PKD1L1: variants seen among roughly 807,000 people sequenced by gnomAD.
The protein encoded by PKD1L1 is polycystin 1 like 1, transient receptor potential channel interacting.
A neutral mutation model predicts 323.4 loss-of-function variants in PKD1L1; 236 were observed. The ratio of observed to expected loss-of-function variants is 0.73; its 90% CI spans 0.66 to 0.81. PKD1L1 has a LOEUF of 0.81. Among genes scored for constraint, PKD1L1 ranks in the 40% least tolerant of loss-of-function variants. The probability of loss-of-function intolerance (pLI) is 0.00; values close to 1 mark genes in which losing one functional copy is unlikely to be tolerated. For synonymous variants in PKD1L1, 1,344 were observed against 1,335.0 expected (o/e 1.01, Z -0.15); for missense variants, 3,320 against 3,508.0 (o/e 0.95, Z 1.35).
intron 26 of PKD1L1, among the ~76,000 whole-genome samples, chr7:47,862,773 G>C (rs1786061574): frequency 6.6e-6 from 1 of 152,148 alleles, no homozygotes; most frequent in African/African-American, 2.4e-5. Context: ...CTGGAGGATG[G>C]TTAGGAAGCG....
At chr7:47,880,907 G>A (rs1002499915) in intron 20 of PKD1L1, 102 bp from the exon 21 acceptor site, 3 of 822,404 alleles carry the variant, frequency 3.6e-6, no homozygotes, top group Admixed American at 2.7e-5. Flanking sequence ...CCCCAGGGGT[G>A]AAATTAACAT....
intron 46 of PKD1L1, among the ~76,000 whole-genome samples, chr7:47,815,850 G>C (rs1386463791): frequency 5.4e-5 from 3 of 55,764 alleles, no homozygotes; most frequent in South Asian, 1.2e-3. Context: ...CAAATATGAA[G>C]GAGGAAAAAA....
chr7:47,949,586 C>A (rs1029721775), upstream of PKD1L1, among the ~76,000 whole-genome samples: 1 of 151,976 alleles, frequency 6.6e-6, no homozygotes, highest in Non-Finnish European at 1.5e-5. Context: ...CTCTCCATTA[C>A]GAAACATTTT....
At chr7:47,822,007 A>G (rs1051321468) in intron 45 of PKD1L1, among the ~76,000 whole-genome samples, 1 of 152,112 alleles carries the variant, frequency 6.6e-6, no homozygotes, top group African/African-American at 2.4e-5. Flanking sequence ...CATTTTTAAA[A>G]GATCATCCTT....
At chr7:47,844,423 G>T (rs1785622867) in intron 33 of PKD1L1, among the ~76,000 whole-genome samples, 1 of 152,178 alleles carries the variant, frequency 6.6e-6, no homozygotes, top group Admixed American at 6.5e-5. Context: ...TCTAAGCATT[G>T]TATTAAATGT....
intron 56 of PKD1L1, 140 bp downstream of exon 56, chr7:47,792,487 A>G: frequency 1.2e-6 from 1 of 828,278 alleles, no homozygotes; most frequent in South Asian, 2.1e-5. Flanking sequence ...TGGCCAGAGC[A>G]TATCTTATCA....
rs1437361475 is a variant in PKD1L1, at chr7:47,839,661, C to T, written c.5554G>A (p.Ala1852Thr). The change falls in exon 36 of 57, where the codon GCT (alanine) becomes ACT (threonine). Residue 1852 changes from alanine (A) to threonine (T), a missense_variant and splice_region_variant. Physicochemically the swap from Ala to Thr is moderately conservative, Grantham distance 58 (BLOSUM62 0). Coordinates refer to ENST00000289672, the MANE Select transcript of PKD1L1 (RefSeq NM_138295.5). This position sits in a 1 kb window ranked among gnomAD's most constrained non-coding sequence, Gnocchi z 4.3. The stretch of plus-strand genomic sequence containing the variant: ...CTCAGCAGGCCCAGTTGGGCAGGAG[C>T]GCTGGAGGCACACACAGCAGCATCT... ...RNSRHTFILS[A>T]PAQLGLLRKI... 8.3e-6 allele frequency: 13 copies of T among 1,562,960 alleles called. No individual in the cohort carries two copies. Among genetic ancestry groups the T allele is most frequent in the East Asian group, 2.4e-5 (1 of 42,164 alleles).
chr7:47,925,969 G>A (rs1446564804), intron 7 of PKD1L1, among the ~76,000 whole-genome samples: 1 of 152,134 alleles, frequency 6.6e-6, no homozygotes, highest in East Asian at 1.9e-4. Context: ...TCCATATGAA[G>A]AAATGTTCAG....
At chr7:47,824,396 G>C (rs1368010014) in intron 45 of PKD1L1, among the ~76,000 whole-genome samples, 2 of 152,052 alleles carry the variant, frequency 1.3e-5, no homozygotes, top group Non-Finnish European at 2.9e-5. Flanking sequence ...GAAAATAACA[G>C]AATTCTTCAT....
chr7:47,780,614 A>G (rs1173442795), intron 56 of PKD1L1, among the ~76,000 whole-genome samples: 1 of 148,826 alleles, frequency 6.7e-6, no homozygotes, highest in Non-Finnish European at 1.5e-5. Flanking sequence ...TCTCGGCGAC[A>G]GAAGACTCCA....
chr7:47,813,775 G>A (rs1455201178), intron 48 of PKD1L1, among the ~76,000 whole-genome samples, 156 bp downstream of exon 48: 2 of 152,212 alleles, frequency 1.3e-5, no homozygotes, highest in African/African-American at 2.4e-5. Flanking sequence ...AAGGAAGGGC[G>A]AGGCTCGCCC....
intron 4 of PKD1L1, among the ~76,000 whole-genome samples, chr7:47,935,717 A>G (rs1238412610): frequency 1.3e-5 from 2 of 152,264 alleles, no homozygotes; most frequent in Non-Finnish European, 2.9e-5. Flanking sequence ...TGCCAGCCAC[A>G]TGCTCTGCCC....
chr7:47,789,405 CTT>C (rs1358269318), intron 56 of PKD1L1, among the ~76,000 whole-genome samples: 1 of 152,128 alleles, frequency 6.6e-6, no homozygotes, highest in Non-Finnish European at 1.5e-5. Flanking sequence ...ATTGTACTCA[CTT>C]TGTTCATCAT....
At chr7:47,937,678 T>C (rs1583689580) in intron 3 of PKD1L1, among the ~76,000 whole-genome samples, 1 of 151,766 alleles carries the variant, frequency 6.6e-6, no homozygotes, top group East Asian at 1.9e-4. Flanking sequence ...AGGCAGAGGG[T>C]GAACACCTCT....
chr7:47,823,246 TCTAGTC>T (rs1411205632), intron 45 of PKD1L1, among the ~76,000 whole-genome samples: 1 of 152,200 alleles, frequency 6.6e-6, no homozygotes, highest in Admixed American at 6.5e-5. Context: ...TATTCCTACT[TCTAGTC>T]CTAGTTTGCT....
Position 47,905,262 on chromosome 7 carries a change from A to G in PKD1L1, c.1586T>C (p.Val529Ala). The G allele has an allele frequency of 1.2e-6, 2 of 1,614,122 alleles. No individual in the cohort carries two copies. Among genetic ancestry groups the G allele is most frequent in the Non-Finnish European group, 1.7e-6 (2 of 1,179,998 alleles). ...TTCCAGGGGTATTGTTTCCTTGGTA[A>G]CAGCTGTAAATGTAATGTCTGTGTC... ...ATDTDITFTA[V>A]TKETIPLEFE... The change falls in exon 11 of 57, where the codon GTT (valine) becomes GCT (alanine). Residue 529 changes from valine to alanine, a missense_variant. Coordinates refer to ENST00000289672, the MANE Select transcript of PKD1L1 (RefSeq NM_138295.5).
chr7:47,792,667 T>C lies in PKD1L1; in HGVS notation c.8486A>G (p.Glu2829Gly). The C allele has an allele frequency of 1.9e-6, 3 of 1,614,056 alleles. No homozygotes were observed. The highest frequency in any genetic ancestry group is 1.3e-5 in the African/African-American group (1 of 75,064). Residue 2829 changes from glutamate (E) to glycine (G), a missense_variant, in exon 56 of 57, where the codon GAG (glutamate) becomes GGG (glycine). Coordinates refer to ENST00000289672, the MANE Select transcript of PKD1L1 (RefSeq NM_138295.5). ...SNNTGEARTE[E>G]SPLVDISSYQ... ...ACTAGAAATGTCCACTAAGGGACTC[T>C]CTTCTGTCCTTGCCTCCCCTGTGTT...
rs577610499 is a variant in PKD1L1, at chr7:47,931,199, C to T, written c.642G>A (p.Thr214=). ...TGGCCACCTTGGTGGGGGTCTCCAT[C>T]GTGACAGTCCCAGGAAGCAGCCCCG... ...VATGLLPGTV[T]METPTKVARP... The change falls in exon 6 of 57, where the codon ACG becomes ACA. Residue 214 remains threonine (T), a synonymous_variant. Coordinates refer to ENST00000289672, the MANE Select transcript of PKD1L1 (RefSeq NM_138295.5). 19 of 1,614,158 alleles carry T rather than the reference C, an allele frequency of 1.2e-5. No homozygotes were observed. Among genetic ancestry groups the T allele is most frequent in the African/African-American group, 4.0e-5 (3 of 75,030 alleles).
chr7:47,957,509 G>A, the PKD1L1 span, among the ~76,000 whole-genome samples: 1 of 152,020 alleles, frequency 6.6e-6, no homozygotes, highest in Non-Finnish European at 1.5e-5. Context: ...ACAAAAACTA[G>A]TATTATTTCT....
Sources: allele counts gnomAD v4.1 joint callset (sites outside exome capture counted in the v4.1 genomes callset), GRCh38; gene constraint gnomAD v4.1.1; non-coding constraint Gnocchi (gnomAD v3.1); transcripts MANE v1.5; gene names NCBI Gene and HGNC (gene_info 2026-07-23, HGNC 2026-07-21).